Variants in PINLYP observed in about 807,000 individuals in gnomAD.
PINLYP encodes phospholipase A2 inhibitor and Ly6/PLAUR domain-containing protein.
PINLYP carries 12 observed loss-of-function variants against 15.8 expected under a neutral mutation model. The observed-to-expected ratio is 0.76, with a 90% CI of 0.49 to 1.23. The LOEUF is 1.23. PINLYP is among the 50% of genes most tolerant of loss of function. The pLI is 0.00. For synonymous variants in PINLYP, 93 were observed against 97.7 expected (o/e 0.95, Z 0.28); for missense variants, 278 against 264.2 (o/e 1.05, Z -0.36).
At chr19:43,578,780 G>A (rs1268746679) in intron 3 of PINLYP, 74 bp downstream of exon 3, 6 of 1,154,970 alleles carry the variant, frequency 5.2e-6, no homozygotes, top group East Asian at 2.6e-5. Context: ...ACCATGCTGA[G>A]GGGGGATCAT....
intron 2 of PINLYP, among the ~76,000 whole-genome samples, 159 bp from the exon 3 acceptor site, chr19:43,578,431 C>A (rs557837640): frequency 6.6e-6 from 1 of 152,196 alleles, no homozygotes; most frequent in Non-Finnish European, 1.5e-5. Context: ...CTTCGTCCAA[C>A]TCTGGACAGT....
upstream of PINLYP, chr19:43,575,545 G>T (rs765116827): frequency 7.0e-7 from 1 of 1,426,372 alleles, no homozygotes; most frequent in Non-Finnish European, 9.6e-7. Context: ...GGCGGGGTGC[G>T]CCCTGCGCTG....
intron 3 of PINLYP, chr19:43,578,982 C>A: frequency 2.1e-5 from 7 of 335,028 alleles, no homozygotes; most frequent in East Asian, 7.4e-5. Flanking sequence ...CTTTCTTAGG[C>A]AGAAGAGGGG....
chr19:43,578,737 G>C (rs1972895291), intron 3 of PINLYP, 31 bp downstream of exon 3: 1 of 1,496,922 alleles, frequency 6.7e-7, no homozygotes, highest in African/African-American at 1.4e-5. Flanking sequence ...ACCTGGTGGG[G>C]AGGTGGGGTG....
At chr19:43,582,019 G>A in exon 6 of PINLYP, 3 of 1,535,576 alleles carry the variant, frequency 2.0e-6, no homozygotes, top group Non-Finnish European at 2.6e-6. Flanking sequence ...TCTGAACAGA[G>A]GAAGATAATG....
At chr19:43,580,353 G>A in intron 3 of PINLYP, 1 of 191,402 alleles carries the variant, frequency 5.2e-6, no homozygotes. Context: ...CGGGGAGACT[G>A]GAAGAACCCA....
intron 3 of PINLYP, among the ~76,000 whole-genome samples, chr19:43,579,355 C>G (rs1205421910): frequency 6.6e-6 from 1 of 152,006 alleles, no homozygotes; most frequent in African/African-American, 2.4e-5. Flanking sequence ...AAGCGATTCT[C>G]CTGCCTCAGC....
Position 43,581,125 on chromosome 19 carries a change from G to T in PINLYP, c.188-87G>T, listed in dbSNP as rs930811188. On this transcript the variant is annotated intron_variant, in intron 3 of 5. Transcript: ENST00000599207. ...TCCCAGGAAGTTGTGGGGTTGGGGA[G>T]GCCTAGGGTTAGGCAAGACCTTGAG... 59 of 1,373,058 alleles carry T rather than the reference G, an allele frequency of 4.3e-5. 2 individuals carry two copies. In the South Asian group the frequency reaches 5.0e-4, roughly 12 times the overall value. The allele number at this position is 1,373,058 out of a possible 1,614,324, so 85.1% of individuals were successfully genotyped here. A position where few individuals can be genotyped will look rare whatever the true frequency, so the allele number is the denominator to read the frequency against.
At chr19:43,575,601 C>A, upstream of PINLYP, 2 of 771,480 alleles carry the variant, frequency 2.6e-6, no homozygotes, top group Admixed American at 6.9e-5. Context: ...CAAACCCCGG[C>A]GCGCCGGCGC....
chr19:43,577,939 T>A (rs547902093), intron 2 of PINLYP, among the ~76,000 whole-genome samples: 3 of 152,222 alleles, frequency 2.0e-5, no homozygotes, highest in South Asian at 2.1e-4. Context: ...TATGATATAT[T>A]TTTTTAAAAG....
chr19:43,579,092 T>G, intron 3 of PINLYP: 1 of 255,986 alleles, frequency 3.9e-6, no homozygotes, highest in Non-Finnish European at 7.8e-6. Flanking sequence ...AGGAAGAGGC[T>G]GGGCTGGGGT....
At chr19:43,580,738 T>TA (rs147797828) in intron 3 of PINLYP, 59,988 of 959,682 alleles carry the variant, frequency 0.063, 2,396 homozygotes, top group East Asian at 0.29. Context: ...GAGGGAGGGC[T>TA]ACCTAAGAAA....
chr19:43,578,779 AG>A (rs1383491191), intron 3 of PINLYP, 73 bp downstream of exon 3: 7 of 1,164,080 alleles, frequency 6.0e-6, no homozygotes, highest in Non-Finnish European at 7.4e-6. Flanking sequence ...TACCATGCTG[AG>A]GGGGGATCAT....
upstream of PINLYP, chr19:43,575,574 G>A (rs766903849): frequency 2.3e-4 from 264 of 1,153,394 alleles, no homozygotes; most frequent in Middle Eastern, 2.9e-4. Context: ...GCGCAAGCGC[G>A]CGAGGCTCGG....
chr19:43,581,446 T>G, intron 4 of PINLYP, 82 bp downstream of exon 4: 2 of 1,517,872 alleles, frequency 1.3e-6, no homozygotes, highest in African/African-American at 2.7e-5. Flanking sequence ...TGAGCCTGTT[T>G]CCTTACCTGT....
At chr19:43,577,009 T>A in intron 1 of PINLYP, 90 bp downstream of exon 1, 1 of 1,155,614 alleles carries the variant, frequency 8.7e-7, no homozygotes, top group Non-Finnish European at 1.2e-6. Flanking sequence ...GGTGGGGGGC[T>A]GGGCACAAGA....
chr19:43,575,585 G>T (rs1303537260), upstream of PINLYP: 5 of 1,041,828 alleles, frequency 4.8e-6, no homozygotes, highest in African/African-American at 5.0e-5. Flanking sequence ...CGAGGCTCGG[G>T]CCTTTCAAAC....
exon 2 of PINLYP, chr19:43,577,213 G>C: frequency 6.5e-7 from 1 of 1,536,132 alleles, no homozygotes; most frequent in South Asian, 1.2e-5. Context: ...CAGGAGACCA[G>C]AGACCTTTCT....
chr19:43,576,859 A>G (rs545902481), exon 1 of PINLYP: 9 of 302,146 alleles, frequency 3.0e-5, no homozygotes, highest in Non-Finnish European at 4.9e-5. Context: ...CTGGGAATCA[A>G]GAGGCCCAAC....
Sources: allele counts gnomAD v4.1 joint callset (sites outside exome capture counted in the v4.1 genomes callset), GRCh38; gene constraint gnomAD v4.1.1; transcripts MANE v1.5; gene names NCBI Gene and HGNC (gene_info 2026-07-23, HGNC 2026-07-21).